The following DSCAM variants were observed in gnomAD, a reference collection of about 807,000 sequenced individuals.
DSCAM encodes cell adhesion molecule DSCAM.
In DSCAM, 47 loss-of-function variants were observed where a neutral mutation model predicts 217.7. The ratio of observed to expected loss-of-function variants is 0.22; its 90% CI spans 0.17 to 0.28. The LOEUF is 0.28. DSCAM is among the 10% of genes least tolerant of loss of function. DSCAM has a pLI of 1.00. For synonymous variants in DSCAM, 1,056 were observed against 1,015.3 expected, an observed-to-expected ratio of 1.04 and a Z score of -0.76; for missense variants, 2,080 against 2,618.3, an observed-to-expected ratio of 0.79 and a Z score of 4.49.
chr21:40,423,574 G>A (rs943305633), intron 3 of DSCAM, among the ~76,000 whole-genome samples: 2 of 152,194 alleles, frequency 1.3e-5, no homozygotes, highest in South Asian at 2.1e-4. Flanking sequence ...GCCTGCTTCA[G>A]TCTCTTCCAA....
At chr21:40,630,228 G>A (rs7277699) in intron 3 of DSCAM, among the ~76,000 whole-genome samples, 10,895 of 152,256 alleles carry the variant, frequency 0.072, 558 homozygotes, top group Admixed American at 0.14. Flanking sequence ...ATACAGAGGT[G>A]AGGTGAGAAT....
At chr21:40,313,990 A>C (rs1015094362) in intron 8 of DSCAM, among the ~76,000 whole-genome samples, 21 of 152,240 alleles carry the variant, frequency 1.4e-4, no homozygotes, top group African/African-American at 5.1e-4. Flanking sequence ...TCCGGCTGAG[A>C]AATTTGAATA....
chr21:40,681,489 CTTT>C (rs57356615), intron 3 of DSCAM, among the ~76,000 whole-genome samples: 59,291 of 145,766 alleles, frequency 0.41, 12,922 homozygotes, highest in East Asian at 0.58. Context: ...CTTAAAAATG[CTTT>C]TTTTTTTTTT....
chr21:40,563,600 AT>A (rs2076738905), intron 3 of DSCAM, among the ~76,000 whole-genome samples: 1 of 85,290 alleles, frequency 1.2e-5, no homozygotes, highest in Admixed American at 1.5e-4. Flanking sequence ...TTTATATGTT[AT>A]ATATATGTTT....
intron 3 of DSCAM, among the ~76,000 whole-genome samples, chr21:40,439,951 C>G (rs756062714): frequency 2.0e-5 from 3 of 152,176 alleles, no homozygotes; most frequent in Non-Finnish European, 4.4e-5. Context: ...ATAGCCAAAC[C>G]ATATCACCTT....
At chr21:40,264,882 A>G (rs1286081237) in intron 11 of DSCAM, among the ~76,000 whole-genome samples, 1 of 152,202 alleles carries the variant, frequency 6.6e-6, no homozygotes, top group Admixed American at 6.5e-5. Flanking sequence ...GCTATATACC[A>G]ACAATGACCA....
At chr21:40,712,469 CAAAAAAAAA>C (rs571819417) in intron 1 of DSCAM, among the ~76,000 whole-genome samples, 5 of 27,332 alleles carry the variant, frequency 1.8e-4, no homozygotes, top group East Asian at 1.3e-3. Context: ...GACTCCGTCT[CAAAAAAAAA>C]AAAAAAAAAA....
At chr21:40,469,961 TA>T (rs1387066373) in intron 3 of DSCAM, among the ~76,000 whole-genome samples, 1 of 152,220 alleles carries the variant, frequency 6.6e-6, no homozygotes, top group African/African-American at 2.4e-5. Flanking sequence ...TAATCCCATA[TA>T]TTTTCACTGC....
intron 28 of DSCAM, among the ~76,000 whole-genome samples, 191 bp downstream of exon 28, chr21:40,062,678 T>C (rs2089141132): frequency 6.6e-6 from 1 of 151,770 alleles, no homozygotes; most frequent in African/African-American, 2.4e-5. Flanking sequence ...TACAAATACA[T>C]CATTTTCATC....
At chr21:40,229,221 C>A in intron 11 of DSCAM, among the ~76,000 whole-genome samples, 1 of 152,226 alleles carries the variant, frequency 6.6e-6, no homozygotes, top group Admixed American at 6.5e-5. Flanking sequence ...AGCTTCCATT[C>A]ATCTCCAAAG....
At chr21:40,153,786 G>C (rs1857167579) in intron 16 of DSCAM, among the ~76,000 whole-genome samples, 1 of 152,154 alleles carries the variant, frequency 6.6e-6, no homozygotes, top group East Asian at 1.9e-4. Context: ...CTGAGTCTGA[G>C]AATCACTGTT....
intron 10 of DSCAM, among the ~76,000 whole-genome samples, chr21:40,294,066 T>C (rs1374945374): frequency 6.6e-6 from 1 of 152,210 alleles, no homozygotes. Context: ...ATTTAACTTT[T>C]TAAAAAATTG....
intron 3 of DSCAM, among the ~76,000 whole-genome samples, chr21:40,593,458 TG>T (rs1442089056): frequency 6.6e-6 from 1 of 152,104 alleles, no homozygotes; most frequent in Non-Finnish European, 1.5e-5. Flanking sequence ...CTCGAGTAGC[TG>T]GGTCTACAGG....
At chr21:40,588,130 G>C (rs953211123) in intron 3 of DSCAM, among the ~76,000 whole-genome samples, 1 of 152,110 alleles carries the variant, frequency 6.6e-6, no homozygotes, top group Admixed American at 6.6e-5. Context: ...ACATGACTCA[G>C]GATTACAGCC....
chr21:40,804,514 A>G (rs1464722884), intron 1 of DSCAM, among the ~76,000 whole-genome samples: 1 of 150,414 alleles, frequency 6.6e-6, no homozygotes, highest in Admixed American at 6.6e-5. Context: ...GCTAGCCCCT[A>G]TCTCCCCTCC....
intron 3 of DSCAM, among the ~76,000 whole-genome samples, chr21:40,402,351 G>A (rs996093347): frequency 2.7e-5 from 4 of 150,200 alleles, no homozygotes; most frequent in East Asian, 3.9e-4. Context: ...TTACAGGCTC[G>A]AGCCACCACG....
chr21:40,830,984 A>G (rs996945805), intron 1 of DSCAM, among the ~76,000 whole-genome samples: 2 of 152,196 alleles, frequency 1.3e-5, no homozygotes, highest in Non-Finnish European at 2.9e-5. Flanking sequence ...GGATGAAGGC[A>G]ATTGTCACGA....
Position 40,013,124 on chromosome 21 carries a change from A to G in DSCAM, c.5949T>C (p.Ala1983=). 3.1e-6 allele frequency: 5 copies of G among 1,610,376 alleles called. No individual in the cohort carries two copies. The South Asian group carries it at 5.5e-5, about 18-fold the overall frequency. Residue 1983 remains alanine, a synonymous_variant, in exon 33 of 33, where the codon GCT becomes GCC. Coordinates refer to ENST00000400454, the MANE Select transcript of DSCAM (RefSeq NM_001389.5). ...GTGATTCTTGGGAGCTGCTCATTTT[A>G]GCTGCCTGTCCCAGCTCTGCTCCCT... The part of the protein sequence containing the change: ...QREGAELGQA[A]KMSSSQESLL...
intron 3 of DSCAM, among the ~76,000 whole-genome samples, chr21:40,460,678 A>G (rs1437439265): frequency 1.3e-5 from 2 of 152,238 alleles, no homozygotes; most frequent in African/African-American, 4.8e-5. Context: ...TTAATTGAAA[A>G]GGAAATATGA....
Sources: gnomAD v4.1 joint callset for allele counts (sites outside exome capture counted in the v4.1 genomes callset) on GRCh38, gnomAD v4.1.1 for gene constraint, MANE v1.5 for transcripts, NCBI Gene and HGNC (gene_info 2026-07-23, HGNC 2026-07-21) for gene names.